The following MIER1 variants were observed in gnomAD, a reference collection of about 807,000 sequenced individuals.
MIER1 encodes MIER1 transcriptional regulator.
A neutral mutation model predicts 75.7 loss-of-function variants in MIER1; 40 were observed. That is an observed-to-expected ratio of 0.53 (90% CI 0.41 to 0.69). MIER1 has a LOEUF of 0.69. MIER1 is among the 30% of genes least tolerant of loss of function. The probability of loss-of-function intolerance (pLI) is 0.00; values close to 1 mark genes in which losing one functional copy is unlikely to be tolerated. For synonymous variants in MIER1, 213 were observed against 223.4 expected (o/e 0.95, Z 0.42); for missense variants, 574 against 680.2 (o/e 0.84, Z 1.74).
At chr1:66,930,384 C>G in intron 2 of MIER1, 1 of 1,608,176 alleles carries the variant, frequency 6.2e-7, no homozygotes, top group Non-Finnish European at 8.5e-7. Flanking sequence ...CCCGGCAGTA[C>G]GGCAAATATG....
intron 4 of MIER1, chr1:66,947,851 T>A (rs1299913887): frequency 2.5e-6 from 2 of 805,602 alleles, no homozygotes; most frequent in Non-Finnish European, 3.0e-6. Flanking sequence ...TTAAATAGGC[T>A]AGTTTCTTCT....
chr1:66,961,324 G>T (rs1008573397), intron 7 of MIER1, among the ~76,000 whole-genome samples: 2 of 152,148 alleles, frequency 1.3e-5, no homozygotes, highest in African/African-American at 2.4e-5. Flanking sequence ...CTTAGTAATT[G>T]TGTGCTCCTG....
intron 2 of MIER1, among the ~76,000 whole-genome samples, chr1:66,926,495 T>A (rs1392319290): frequency 1.3e-5 from 2 of 152,172 alleles, no homozygotes; most frequent in Non-Finnish European, 2.9e-5. Flanking sequence ...AACTGTTATT[T>A]GAAGAACCAA....
chr1:66,928,743 A>C, intron 2 of MIER1: 1 of 545,232 alleles, frequency 1.8e-6, no homozygotes, highest in East Asian at 2.9e-5. Context: ...TTATTCCCCC[A>C]AGGAATCCTG....
intron 2 of MIER1, chr1:66,930,101 C>T: frequency 1.3e-6 from 1 of 786,576 alleles, no homozygotes; most frequent in Non-Finnish European, 1.7e-6. Flanking sequence ...GACTCCGCCC[C>T]CTCCGCTCTT....
chr1:66,932,428 A>G (rs1653654630), intron 2 of MIER1, among the ~76,000 whole-genome samples: 2 of 152,286 alleles, frequency 1.3e-5, no homozygotes, highest in Admixed American at 1.3e-4. Context: ...GAATTGGGGA[A>G]GAGTTAGAGG....
chr1:66,938,082 C>A (rs1655334107), intron 2 of MIER1, among the ~76,000 whole-genome samples: 1 of 152,186 alleles, frequency 6.6e-6, no homozygotes. Context: ...GCTATGCTTA[C>A]AAATGCTACT....
At chr1:66,963,637 C>T (rs1661703498) in intron 8 of MIER1, among the ~76,000 whole-genome samples, 1 of 152,096 alleles carries the variant, frequency 6.6e-6, no homozygotes, top group Admixed American at 6.5e-5. Flanking sequence ...GGACCAGGTG[C>T]CGTGGCTCAC....
chr1:66,975,542 G>A (rs200562091), intron 11 of MIER1, among the ~76,000 whole-genome samples: 1 of 93,276 alleles, frequency 1.1e-5, no homozygotes, highest in African/African-American at 3.5e-5. Context: ...AAAAGAAAAA[G>A]AAAGGAAAAA....
At chr1:66,931,059 C>T (rs1256728399) in intron 2 of MIER1, among the ~76,000 whole-genome samples, 1 of 144,054 alleles carries the variant, frequency 6.9e-6, no homozygotes, top group Non-Finnish European at 1.5e-5. Context: ...TTCCAGGCTT[C>T]CCCCCACCCC....
chr1:66,936,998 CAAAAAAAAA>C (rs751644771), intron 2 of MIER1, among the ~76,000 whole-genome samples: 4 of 68,342 alleles, frequency 5.9e-5, no homozygotes, highest in South Asian at 6.6e-4. Flanking sequence ...GACTCCATCT[CAAAAAAAAA>C]AAAAAAAAAA....
Position 66,984,818 on chromosome 1 carries a change from A to G in MIER1, c.1616A>G (p.Lys539Arg). 1.2e-6 allele frequency: 2 copies of G among 1,613,534 alleles called. No individual in the cohort carries two copies. The highest frequency in any genetic ancestry group is 1.7e-6 in the Non-Finnish European group (2 of 1,179,828). ...AKRRRVNSNG[K>R]ESPGSSEFFQ... ...AGGCGAAGGGTAAACAGCAATGGAA[A>G]AGAAAGTCCAGGTTCTTCTGAATTT... The change falls in exon 14 of 14, where the codon AAA becomes AGA. Residue 539 changes from lysine (K) to arginine (R), a missense_variant. This residue lies in a region of MIER1 where 164 missense variants were observed against 154.3 expected (regional missense o/e 1.06). Transcript: ENST00000401041.
Position 66,984,606 on chromosome 1 carries a change from C to G in MIER1, c.1404C>G (p.Asn468Lys), listed in dbSNP as rs1464531163. The change falls in exon 14 of 14, where the codon AAC (asparagine) becomes AAG (lysine). Residue 468 changes from asparagine (N) to lysine (K), a missense_variant. Around this residue, in one of 3 missense-constraint regions of MIER1, gnomAD observed 164 missense variants for 154.3 expected, o/e 1.06. Coordinates refer to ENST00000401041, the MANE Select transcript of MIER1 (RefSeq NM_001077700.3). The stretch of plus-strand genomic sequence containing the variant: ...CTAATGGACCAGGTGAAATATTAAA[C>G]AAAGAGGAAGTAAAAGTTGAAGGGT... ...VSSNGPGEIL[N>K]KEEVKVEGLH... 2 of 1,607,596 alleles carry G rather than the reference C, an allele frequency of 1.2e-6. No homozygotes were observed. The highest frequency in any genetic ancestry group is 1.7e-6 in the Non-Finnish European group (2 of 1,178,000).
intron 2 of MIER1, among the ~76,000 whole-genome samples, chr1:66,927,413 GT>G (rs1652094701): frequency 6.6e-6 from 1 of 152,012 alleles, no homozygotes; most frequent in Non-Finnish European, 1.5e-5. Context: ...CAGAACTACT[GT>G]TTTGGATATC....
chr1:66,951,494 A>G lies in MIER1; in HGVS notation c.339+5199A>G, dbSNP rs574181388. Among the ~76,000 whole-genome samples, 122 of 152,080 alleles carry G rather than the reference A, an allele frequency of 8.0e-4. 5 individuals carry two copies. The South Asian group carries it at 0.023, about 29-fold the overall frequency. On this transcript the variant is annotated intron_variant, in intron 4 of 13. Transcript: ENST00000401041. ...CAGCCTTCCTTTAGCTTATGCAGAC[A>G]TGATTGCCCTTCCTTTTGTTACAGT...
chr1:66,930,536 C>T (rs540690857), intron 2 of MIER1: 6 of 928,472 alleles, frequency 6.5e-6, no homozygotes, highest in Non-Finnish European at 7.9e-6. Flanking sequence ...CGGAACAGGC[C>T]ATTCTCTGGG....
At chr1:66,971,189 T>A (rs546734130) in intron 9 of MIER1, among the ~76,000 whole-genome samples, 70 of 152,268 alleles carry the variant, frequency 4.6e-4, no homozygotes, top group African/African-American at 1.7e-3. Context: ...TACTTTTCAT[T>A]AGGCTTTTTA....
chr1:66,945,298 T>C (rs1382318937), intron 3 of MIER1, among the ~76,000 whole-genome samples: 17 of 9,840 alleles, frequency 1.7e-3, no homozygotes, highest in African/African-American at 7.0e-3. Context: ...TATATATATA[T>C]ATATATATAT....
intron 2 of MIER1, chr1:66,932,915 T>G (rs1389579558): frequency 6.6e-6 from 1 of 152,128 alleles, no homozygotes; most frequent in African/African-American, 2.4e-5. Flanking sequence ...AATATTTAAT[T>G]CTTGAATAGA....
Sources: gnomAD v4.1 joint callset for allele counts (sites outside exome capture counted in the v4.1 genomes callset) on GRCh38, gnomAD v4.1.1 for gene constraint, gnomAD v4.1.1 regional missense constraint, MANE v1.5 for transcripts, NCBI Gene and HGNC (gene_info 2026-07-23, HGNC 2026-07-21) for gene names.